COL6A6: variants seen among roughly 807,000 people sequenced by gnomAD.
COL6A6 encodes the protein collagen type VI alpha 6 chain.
Under a neutral mutation model 208.6 loss-of-function variants are expected in COL6A6, and 183 were observed. That is an observed-to-expected ratio of 0.88 (90% CI 0.78 to 0.99). COL6A6 has a LOEUF of 0.99. COL6A6 is among the 50% of genes least tolerant of loss of function. COL6A6 has a pLI of 0.00. For synonymous variants in COL6A6, 973 were observed against 1,011.8 expected (o/e 0.96, Z 0.73); for missense variants, 2,816 against 2,815.2 (o/e 1.00, Z -0.01).
At chr3:130,612,023 A>G (rs1365359794) in intron 23 of COL6A6, among the ~76,000 whole-genome samples, 1 of 152,162 alleles carries the variant, frequency 6.6e-6, no homozygotes, top group Admixed American at 6.5e-5. Flanking sequence ...TATAAGTGAG[A>G]ACATGTGGTA....
chr3:130,648,325 A>G (rs1576393606), intron 32 of COL6A6, among the ~76,000 whole-genome samples: 3 of 152,248 alleles, frequency 2.0e-5, no homozygotes, highest in African/African-American at 7.2e-5. Flanking sequence ...GTCTGGAATG[A>G]TAATTATAAC....
At chr3:130,674,405 C>A (rs2066308676) in intron 36 of COL6A6, among the ~76,000 whole-genome samples, 1 of 152,162 alleles carries the variant, frequency 6.6e-6, no homozygotes, top group Admixed American at 6.5e-5. Flanking sequence ...TCCCTGATTT[C>A]TCAACCTGTC....
chr3:130,563,592 C>G lies in COL6A6; in HGVS notation c.589C>G (p.Gln197Glu), dbSNP rs2107870933. Reference protein sequence around the residue: ...RTVRDLSMFSQNMTHIIKDVI... With the variant: ...RTVRDLSMFSENMTHIIKDVI... Reference sequence around the variant, plus strand: ...AGTCAGAGACCTCAGCATGTTTTCCCAAAACATGACACACATCATCAAGGA... The same window carrying G: ...AGTCAGAGACCTCAGCATGTTTTCCGAAAACATGACACACATCATCAAGGA... Residue 197 changes from glutamine to glutamate, a missense_variant, in exon 3 of 37, where the codon CAA becomes GAA. Physicochemically the swap from Gln to Glu is conservative, Grantham distance 29 (BLOSUM62 2). Transcript: ENST00000358511. 6.2e-7 allele frequency: 1 copy of G among 1,613,892 alleles called. No homozygotes were observed. Among genetic ancestry groups the G allele is most frequent in the East Asian group, 2.2e-5 (1 of 44,878 alleles).
intron 1 of COL6A6, among the ~76,000 whole-genome samples, chr3:130,525,931 TCTC>T (rs1401079722): frequency 2.6e-5 from 4 of 152,138 alleles, no homozygotes; most frequent in Non-Finnish European, 4.4e-5. Flanking sequence ...GTTAATCAGT[TCTC>T]CTCATTATGT....
intron 33 of COL6A6, among the ~76,000 whole-genome samples, chr3:130,655,955 G>A (rs2065777069): frequency 6.6e-6 from 1 of 152,232 alleles, no homozygotes; most frequent in African/African-American, 2.4e-5. Context: ...GGGTGGCAGG[G>A]TGGGCAGCTC....
chr3:130,521,230 A>G (rs1390796918), intron 1 of COL6A6, among the ~76,000 whole-genome samples: 1 of 152,206 alleles, frequency 6.6e-6, no homozygotes, highest in African/African-American at 2.4e-5. Flanking sequence ...AAAAACCATA[A>G]GCTAATCACT....
At chr3:130,605,490 C>G (rs1236190114) in intron 20 of COL6A6, among the ~76,000 whole-genome samples, 1 of 151,796 alleles carries the variant, frequency 6.6e-6, no homozygotes, top group Non-Finnish European at 1.5e-5. Flanking sequence ...GAAATATCTA[C>G]TGATATTTTT....
Position 130,663,696 on chromosome 3 carries a change from T to A in COL6A6, c.6503-1307T>A, listed in dbSNP as rs536780002. On this transcript the variant is annotated intron_variant, in intron 35 of 36. Coordinates refer to ENST00000358511, the MANE Select transcript of COL6A6 (RefSeq NM_001102608.3). ...AGTGTTTCATGGGTTATTAGTCAAATTATATTATTAGATAAATGGCACCAC... is the reference window on the plus strand; with the variant it reads ...AGTGTTTCATGGGTTATTAGTCAAAATATATTATTAGATAAATGGCACCAC... 1.3e-3 allele frequency among the ~76,000 whole-genome samples: 197 copies of A among 152,250 alleles called. 1 individual carries two copies. Among genetic ancestry groups the A allele is most frequent in the Non-Finnish European group, 2.4e-3 (166 of 68,030 alleles).
intron 2 of COL6A6, among the ~76,000 whole-genome samples, chr3:130,562,634 A>T (rs1432470737): frequency 6.6e-6 from 1 of 152,212 alleles, no homozygotes; most frequent in African/African-American, 2.4e-5. Context: ...AGTGAATTTG[A>T]TGGAGTTTGA....
rs527600329 is a variant in COL6A6 at position 130,647,425 on chromosome 3, A to G, written c.5240-1644A>G. Among the ~76,000 whole-genome samples, 22 of 152,368 alleles carry G rather than the reference A, an allele frequency of 1.4e-4. No individual in the cohort carries two copies. In the East Asian group the frequency reaches 4.2e-3, roughly 29 times the overall value. On this transcript the variant is annotated intron_variant, in intron 32 of 36. Transcript: ENST00000358511. ...AACCACCCCCCAAAAAATCAGAAGA[A>G]TCACTTTCATGTTTAGTTCTACTGA...
intron 1 of COL6A6, among the ~76,000 whole-genome samples, chr3:130,542,520 T>C (rs1307927262): frequency 6.6e-6 from 1 of 152,230 alleles, no homozygotes; most frequent in African/African-American, 2.4e-5. Context: ...AAGTAGTCTA[T>C]AGGTATCCAT....
At position 130,676,574 on chromosome 3, in the gene COL6A6, A is replaced by T. The variant is rs1439408540; in HGVS notation, c.*1177A>T. 2.0e-5 allele frequency: 3 copies of T among 152,272 alleles called. No individual in the cohort carries two copies. Among genetic ancestry groups the T allele is most frequent in the Non-Finnish European group, 4.4e-5 (3 of 68,062 alleles). The allele number at this position is 152,272 out of a possible 1,614,324, so 9.4% of individuals were successfully genotyped here. A position where few individuals can be genotyped will look rare whatever the true frequency, so the allele number is the denominator to read the frequency against. On this transcript the variant is annotated 3_prime_UTR_variant, in exon 37 of 37. Transcript: ENST00000358511. ...AGACTGTCCCCCTCTTTGGGAATGG[A>T]AAGAAGCCCTGCCTGGATGCATGGA...
chr3:130,675,351 T>G lies in COL6A6; in HGVS notation c.6746T>G (p.Phe2249Cys), dbSNP rs1177808713. Residue 2249 changes from phenylalanine (F) to cysteine (C), a missense_variant, in exon 37 of 37, where the codon TTT (phenylalanine) becomes TGT (cysteine). Phe to Cys is a radical substitution (Grantham distance 205). Transcript: ENST00000358511. Reference protein sequence around the residue: ...QNFMRSTSHTFKNGRMIESAP... With the variant: ...QNFMRSTSHTCKNGRMIESAP... ...TTTATGAGAAGCACCTCCCATACCT[T>G]TAAGAATGGAAGGATGATAGAAAGT... The G allele has an allele frequency of 3.1e-6, 5 of 1,600,144 alleles. No homozygotes were observed. Among genetic ancestry groups the G allele is most frequent in the Non-Finnish European group, 4.3e-6 (5 of 1,173,052 alleles).
chr3:130,634,514 C>A, intron 26 of COL6A6, 76 bp from the exon 27 acceptor site: 1 of 1,294,420 alleles, frequency 7.7e-7, no homozygotes, highest in Non-Finnish European at 1.1e-6. Flanking sequence ...CACAGGGCAG[C>A]AGGTAAATTG....
At chr3:130,645,744 C>A (rs1222703761) in intron 32 of COL6A6, among the ~76,000 whole-genome samples, 2 of 152,206 alleles carry the variant, frequency 1.3e-5, no homozygotes, top group African/African-American at 4.8e-5. Flanking sequence ...CCATGGAGCT[C>A]ATGCCTAATG....
intron 5 of COL6A6, 117 bp from the exon 6 acceptor site, chr3:130,567,930 A>G (rs920700500): frequency 1.4e-6 from 1 of 693,942 alleles, no homozygotes. Context: ...ATTTACTACT[A>G]ATTATTACTA....
chr3:130,526,490 G>A (rs1213151389), intron 1 of COL6A6, among the ~76,000 whole-genome samples: 2 of 152,098 alleles, frequency 1.3e-5, no homozygotes, highest in Non-Finnish European at 2.9e-5. Context: ...TTTGAACATA[G>A]GTGCACCAAT....
At chr3:130,584,048 A>G (rs2063482671) in intron 10 of COL6A6, among the ~76,000 whole-genome samples, 1 of 152,184 alleles carries the variant, frequency 6.6e-6, no homozygotes, top group South Asian at 2.1e-4. Context: ...TTAATTTTTT[A>G]GAATTGAATA....
intron 20 of COL6A6, among the ~76,000 whole-genome samples, chr3:130,600,627 C>T (rs1470243655): frequency 1.3e-5 from 2 of 152,154 alleles, no homozygotes. Context: ...GAAAACCAAA[C>T]ACCGCATGTT....
Sources: gnomAD v4.1 joint callset for allele counts (sites outside exome capture counted in the v4.1 genomes callset) on GRCh38, gnomAD v4.1.1 for gene constraint, MANE v1.5 for transcripts, NCBI Gene and HGNC (gene_info 2026-07-23, HGNC 2026-07-21) for gene names.